STYK1: variants seen among roughly 807,000 people sequenced by gnomAD.
STYK1 encodes STY kinase 1.
A neutral mutation model predicts 48.1 loss-of-function variants in STYK1; 46 were observed. That is an observed-to-expected ratio of 0.96 (90% CI 0.75 to 1.22). The LOEUF (loss-of-function observed/expected upper bound fraction) is 1.22. Among genes scored for constraint, STYK1 ranks in the 50% most tolerant of loss-of-function variants. STYK1 has a pLI of 0.00. For missense variants in STYK1, 527 were observed against 521.1 expected (o/e 1.01, Z -0.11); for synonymous variants, 188 against 189.0 (o/e 0.99, Z 0.04).
At position 10,631,126 on chromosome 12, in the gene STYK1, T is replaced by A; in HGVS notation, c.370A>T (p.Ser124Cys). 1 of 1,614,206 alleles carries A rather than the reference T, an allele frequency of 6.2e-7. No homozygotes were observed. Among genetic ancestry groups the A allele is most frequent in the Non-Finnish European group, 8.5e-7 (1 of 1,180,032 alleles). ...TTGGCTCGAAAGATGGGCCCACAGC[T>A]ACCACTGCAAATCTGCTCCAGAACT... ...SEVLEQICSG[S>C]CGPIFRANMN... The change falls in exon 5 of 11, where the codon AGC (serine) becomes TGC (cysteine). Residue 124 changes from serine (S) to cysteine (C), a missense_variant. Physicochemically the swap from Ser to Cys is moderately radical, Grantham distance 112 (BLOSUM62 -1). Transcript: ENST00000075503.
intron 6 of STYK1, among the ~76,000 whole-genome samples, chr12:10,628,186 G>A (rs1256621666): frequency 6.6e-6 from 1 of 152,190 alleles, no homozygotes; most frequent in Non-Finnish European, 1.5e-5. Context: ...TGGGTGACAG[G>A]CACATGTGAA....
chr12:10,641,415 C>T (rs1268012131), intron 1 of STYK1, among the ~76,000 whole-genome samples: 1 of 152,192 alleles, frequency 6.6e-6, no homozygotes, highest in African/African-American at 2.4e-5. Context: ...TCTTGGAAGT[C>T]TCCCCCCATA....
intron 1 of STYK1, chr12:10,673,629 C>T (rs1157272160): frequency 6.6e-6 from 1 of 151,894 alleles, no homozygotes; most frequent in African/African-American, 2.4e-5. Flanking sequence ...TTTCCCTTCC[C>T]CCTCTCCTGA....
In STYK1 at chr12:10,642,947, C is replaced by T. The variant is rs557478018; in HGVS notation, c.-194-5751G>A. Among the ~76,000 whole-genome samples, 20 of 152,226 alleles carry T rather than the reference C, an allele frequency of 1.3e-4. 1 individual carries two copies. The South Asian group carries it at 3.7e-3, about 28-fold the overall frequency. ...ATTTTTCAGCTCCTTGTACTGGTTC[C>T]GCTGATATCACTTATATGCTGGCTA... is the stretch of plus-strand genomic sequence containing the variant. On this transcript the variant is annotated intron_variant, in intron 1 of 10. Transcript: ENST00000075503.
intron 1 of STYK1, among the ~76,000 whole-genome samples, chr12:10,656,331 A>ATGGATGAAT (rs76117833): frequency 0.39 from 58,966 of 151,548 alleles, 11,642 homozygotes; most frequent in Middle Eastern, 0.44. Context: ...CAGCATGAAA[A>ATGGATGAAT]TGGATGAATA....
At chr12:10,662,076 A>G (rs10845193) in intron 1 of STYK1, among the ~76,000 whole-genome samples, 85,198 of 151,982 alleles carry the variant, frequency 0.56, 24,315 homozygotes, top group East Asian at 0.77. Flanking sequence ...TTATGGATTC[A>G]CCTATTCAGG....
intron 1 of STYK1, among the ~76,000 whole-genome samples, chr12:10,665,137 G>T (rs987188514): frequency 1.2e-4 from 18 of 152,162 alleles, no homozygotes. Flanking sequence ...AAGAAAGAAC[G>T]CAAACACAGC....
chr12:10,629,621 G>A lies in STYK1; in HGVS notation c.505C>T (p.Gln169Ter). 1 of 1,614,174 alleles carries A rather than the reference G, an allele frequency of 6.2e-7. No individual in the cohort carries two copies. Among genetic ancestry groups the A allele is most frequent in the South Asian group, 1.1e-5 (1 of 91,070 alleles). Residue 169 changes from glutamine (Q) to a stop codon, truncating the protein, a stop_gained, in exon 6 of 11, where the codon CAA (glutamine) becomes TAA (stop). Coordinates refer to ENST00000075503, the MANE Select transcript of STYK1 (RefSeq NM_018423.3). LOFTEE classifies it high-confidence loss of function. ...AGGTTTTTGTGTTTCCCCAGGTATT[G>A]ATGGAATTGGATTCGCCCTAAGAAA... is the stretch of plus-strand genomic sequence containing the variant. ...QDFLGRIQFH[Q>*]YLGKHKNLVQ...
chr12:10,670,814 AAAC>A (rs1480847882), intron 1 of STYK1, among the ~76,000 whole-genome samples: 1 of 150,398 alleles, frequency 6.6e-6, no homozygotes, highest in Non-Finnish European at 1.5e-5. Flanking sequence ...ACATATTTCA[AAAC>A]AACATGTATA....
chr12:10,668,490 C>T (rs976027017), intron 1 of STYK1, among the ~76,000 whole-genome samples: 1 of 150,718 alleles, frequency 6.6e-6, no homozygotes, highest in Non-Finnish European at 1.5e-5. Flanking sequence ...AATCTCCTGC[C>T]TCAGCCTCCC....
At chr12:10,647,396 G>A (rs568386723) in intron 1 of STYK1, among the ~76,000 whole-genome samples, 1 of 152,290 alleles carries the variant, frequency 6.6e-6, no homozygotes, top group African/African-American at 2.4e-5. Flanking sequence ...ACTTGTATGG[G>A]GCCTGTATCC....
At chr12:10,653,197 C>T (rs527853604) in intron 1 of STYK1, among the ~76,000 whole-genome samples, 9 of 152,014 alleles carry the variant, frequency 5.9e-5, no homozygotes, top group African/African-American at 1.7e-4. Context: ...CTCAGCCTCC[C>T]GAGTAGCTGG....
intron 1 of STYK1, among the ~76,000 whole-genome samples, chr12:10,666,840 G>A (rs1947838812): frequency 6.6e-6 from 1 of 152,278 alleles, no homozygotes; most frequent in Non-Finnish European, 1.5e-5. Flanking sequence ...AAACTTATAA[G>A]GCAGAGGAAC....
At chr12:10,673,499 C>T (rs1434009499) in intron 1 of STYK1, 1 of 152,140 alleles carries the variant, frequency 6.6e-6, no homozygotes, top group Non-Finnish European at 1.5e-5. Context: ...ATCGCAACAA[C>T]CCTGGAAAGT....
chr12:10,629,492 C>T lies in STYK1; in HGVS notation c.633+1G>A. ...CCTAATACCTCTGCCCTACTGCTCACCCGCCGACAGGTCCAGAGAAAGCTG... is the reference window on the plus strand; with the variant it reads ...CCTAATACCTCTGCCCTACTGCTCATCCGCCGACAGGTCCAGAGAAAGCTG... On this transcript the variant is annotated splice_donor_variant, in intron 6 of 10. Transcript: ENST00000075503. LOFTEE classifies it high-confidence loss of function. 6.2e-7 allele frequency: 1 copy of T among 1,613,942 alleles called. No homozygotes were observed. The highest frequency in any genetic ancestry group is 1.1e-5 in the South Asian group (1 of 91,042).
rs973937652 is a variant in STYK1 at position 10,624,567 on chromosome 12, G to A, written c.926+84C>T. The A allele has an allele frequency of 1.5e-5, 18 of 1,222,652 alleles. No homozygotes were observed. The East Asian group carries it at 3.7e-4, about 25-fold the overall frequency. The allele number at this position is 1,222,652 out of a possible 1,614,324, so 75.7% of individuals were successfully genotyped here. A position where few individuals can be genotyped will look rare whatever the true frequency, so the allele number is the denominator to read the frequency against. On this transcript the variant is annotated intron_variant, in intron 8 of 10. Coordinates refer to ENST00000075503, the MANE Select transcript of STYK1 (RefSeq NM_018423.3). ...TAAGTAGAGATTATATTCGTATACAGAATTGGCAACAGATCAAATCATATT... is the reference window on the plus strand; with the variant it reads ...TAAGTAGAGATTATATTCGTATACAAAATTGGCAACAGATCAAATCATATT...
intron 1 of STYK1, among the ~76,000 whole-genome samples, chr12:10,652,535 C>G (rs113222667): frequency 2.6e-5 from 4 of 152,200 alleles, no homozygotes; most frequent in Admixed American, 2.0e-4. Flanking sequence ...TGTAGACAGG[C>G]GCAAGGCCAT....
intron 1 of STYK1, among the ~76,000 whole-genome samples, chr12:10,669,284 T>G (rs1947867894): frequency 6.6e-6 from 1 of 152,122 alleles, no homozygotes; most frequent in African/African-American, 2.4e-5. Context: ...TTTTTAACAG[T>G]ATATATAGCA....
intron 1 of STYK1, among the ~76,000 whole-genome samples, chr12:10,673,068 G>C (rs1044695160): frequency 1.3e-5 from 2 of 152,076 alleles, no homozygotes; most frequent in East Asian, 3.9e-4. Flanking sequence ...CCAATGTGGA[G>C]AGGACCCATT....
Sources: allele counts gnomAD v4.1 joint callset (sites outside exome capture counted in the v4.1 genomes callset), GRCh38; gene constraint gnomAD v4.1.1; transcripts MANE v1.5; gene names NCBI Gene and HGNC (gene_info 2026-07-23, HGNC 2026-07-21).